The following KCNQ5 variants were observed in gnomAD, a reference collection of about 807,000 sequenced individuals.
The protein encoded by KCNQ5 is potassium voltage-gated channel subfamily KQT member 5.
Under a neutral mutation model 98.2 loss-of-function variants are expected in KCNQ5, and 30 were observed. The observed-to-expected ratio is 0.31, with a 90% CI of 0.23 to 0.41. The LOEUF (loss-of-function observed/expected upper bound fraction) is 0.41, where lower values mean the gene tolerates loss of function less well. Among genes scored for constraint, KCNQ5 ranks in the 10% least tolerant of loss-of-function variants. The pLI, the probability that KCNQ5 is intolerant of heterozygous loss-of-function variation, is 1.00. For synonymous variants in KCNQ5, 458 were observed against 449.4 expected, an observed-to-expected ratio of 1.02 and a Z score of -0.24; for missense variants, 835 against 1,182.5, an observed-to-expected ratio of 0.71 and a Z score of 4.31.
chr6:72,752,574 A>G (rs1032975549), intron 1 of KCNQ5, among the ~76,000 whole-genome samples: 3 of 152,076 alleles, frequency 2.0e-5, no homozygotes, highest in African/African-American at 4.8e-5. Context: ...ATCATCTTCA[A>G]TTATTTCTGT....
intron 1 of KCNQ5, among the ~76,000 whole-genome samples, chr6:72,875,631 T>C (rs1778376128): frequency 6.6e-6 from 1 of 152,192 alleles, no homozygotes; most frequent in Non-Finnish European, 1.5e-5. Flanking sequence ...TTTTAATTAC[T>C]CAATCATCAT....
intron 11 of KCNQ5, among the ~76,000 whole-genome samples, chr6:73,188,712 C>T (rs144300640): frequency 0.02 from 3,048 of 152,200 alleles, 64 homozygotes; most frequent in Middle Eastern, 0.065. Context: ...AGGCCGGGCG[C>T]GGTGGCTCAC....
chr6:73,118,383 G>A (rs978207243), intron 7 of KCNQ5, among the ~76,000 whole-genome samples: 2 of 152,150 alleles, frequency 1.3e-5, no homozygotes, highest in Non-Finnish European at 2.9e-5. Flanking sequence ...TGTAAATGGT[G>A]TCACAAATTT....
chr6:72,964,768 ACCTTTGTGGC>A (rs1289816655), intron 1 of KCNQ5, among the ~76,000 whole-genome samples: 1 of 152,126 alleles, frequency 6.6e-6, no homozygotes, highest in African/African-American at 2.4e-5. Context: ...CACCTATGGC[ACCTTTGTGGC>A]CCTTTACAGA....
intron 1 of KCNQ5, among the ~76,000 whole-genome samples, chr6:72,932,924 T>C (rs1318264915): frequency 6.6e-6 from 1 of 152,212 alleles, no homozygotes; most frequent in Admixed American, 6.5e-5. Context: ...TGAAAATGCC[T>C]GAAAAATGTT....
chr6:72,657,346 A>T (rs1766248575), intron 1 of KCNQ5, among the ~76,000 whole-genome samples: 1 of 152,206 alleles, frequency 6.6e-6, no homozygotes, highest in South Asian at 2.1e-4. Context: ...TTTAAATTGT[A>T]AGATTTAGAA....
intron 1 of KCNQ5, among the ~76,000 whole-genome samples, chr6:72,854,872 C>T (rs1222952689): frequency 6.6e-6 from 1 of 151,358 alleles, no homozygotes; most frequent in Non-Finnish European, 1.5e-5. Flanking sequence ...ATTCTAATTA[C>T]ATAGCCTTGT....
chr6:72,943,559 G>C (rs1766404664), intron 1 of KCNQ5, among the ~76,000 whole-genome samples: 1 of 152,130 alleles, frequency 6.6e-6, no homozygotes, highest in Admixed American at 6.5e-5. Context: ...ATTATCATTT[G>C]AAAATTATTG....
At chr6:72,728,383 G>A (rs1770392516) in intron 1 of KCNQ5, among the ~76,000 whole-genome samples, 1 of 152,044 alleles carries the variant, frequency 6.6e-6, no homozygotes, top group African/African-American at 2.4e-5. Context: ...TTGATCTGGA[G>A]GCCTGTTAAT....
intron 1 of KCNQ5, among the ~76,000 whole-genome samples, chr6:72,740,630 C>G (rs907851435): frequency 5.9e-5 from 9 of 151,924 alleles, no homozygotes; most frequent in Admixed American, 2.6e-4. Flanking sequence ...TTCACCCAGC[C>G]CATAAGGGAG....
intron 1 of KCNQ5, among the ~76,000 whole-genome samples, chr6:72,737,570 T>C (rs1770915168): frequency 1.3e-5 from 2 of 152,282 alleles, no homozygotes; most frequent in South Asian, 2.1e-4. Flanking sequence ...GGTGGTGTTC[T>C]ACCTGCGAAT....
At chr6:72,921,154 A>G (rs1780376106) in intron 1 of KCNQ5, among the ~76,000 whole-genome samples, 1 of 152,200 alleles carries the variant, frequency 6.6e-6, no homozygotes, top group Admixed American at 6.5e-5. Flanking sequence ...GATTGATCTC[A>G]TAACATGGGG....
chr6:73,017,503 T>C (rs1770402056), intron 2 of KCNQ5, among the ~76,000 whole-genome samples: 1 of 152,120 alleles, frequency 6.6e-6, no homozygotes, highest in Non-Finnish European at 1.5e-5. Context: ...CTGTTCCCCA[T>C]GCAGGTATAC....
intron 11 of KCNQ5, among the ~76,000 whole-genome samples, chr6:73,177,764 G>A (rs1293402353): frequency 6.6e-6 from 1 of 152,168 alleles, no homozygotes; most frequent in African/African-American, 2.4e-5. Flanking sequence ...TCTATGACAT[G>A]TTACAGTAAA....
intron 1 of KCNQ5, among the ~76,000 whole-genome samples, chr6:72,875,555 G>A (rs1007677774): frequency 1.3e-5 from 2 of 152,134 alleles, no homozygotes; most frequent in African/African-American, 2.4e-5. Flanking sequence ...CATAATGTGT[G>A]AAACATCTTG....
intron 1 of KCNQ5, among the ~76,000 whole-genome samples, chr6:72,784,297 A>C (rs557389584): frequency 2.0e-4 from 31 of 152,324 alleles, no homozygotes; most frequent in African/African-American, 7.5e-4. Context: ...CCTAGATTCC[A>C]AACTTGATGA....
intron 1 of KCNQ5, among the ~76,000 whole-genome samples, chr6:72,803,585 C>T (rs1043689331): frequency 6.6e-6 from 1 of 152,142 alleles, no homozygotes; most frequent in African/African-American, 2.4e-5. Context: ...CTTCTCAGAA[C>T]TCTGGAGGTT....
intron 1 of KCNQ5, among the ~76,000 whole-genome samples, chr6:72,929,935 A>G (rs908165457): frequency 7.2e-5 from 11 of 152,156 alleles, no homozygotes; most frequent in African/African-American, 2.7e-4. Flanking sequence ...TGAAACTTAC[A>G]TAATTTAACT....
At chr6:72,703,035 C>G (rs1355579716) in intron 1 of KCNQ5, among the ~76,000 whole-genome samples, 1 of 152,200 alleles carries the variant, frequency 6.6e-6, no homozygotes, top group African/African-American at 2.4e-5. Context: ...ACAAGGCAGT[C>G]TATTTAGGAT....
Sources: gnomAD v4.1 joint callset for allele counts (sites outside exome capture counted in the v4.1 genomes callset) on GRCh38, gnomAD v4.1.1 for gene constraint, MANE v1.5 for transcripts, NCBI Gene and HGNC (gene_info 2026-07-23, HGNC 2026-07-21) for gene names.